The following PIK3C2B variants were observed in gnomAD, a reference collection of about 807,000 sequenced individuals.
PIK3C2B encodes phosphatidylinositol-4-phosphate 3-kinase catalytic subunit type 2 beta.
PIK3C2B carries 83 observed loss-of-function variants against 184.3 expected under a neutral mutation model. The observed-to-expected ratio is 0.45, with a 90% CI of 0.38 to 0.54. The LOEUF (loss-of-function observed/expected upper bound fraction) is 0.54. Ranked by LOEUF, PIK3C2B falls within the 20% of genes least tolerant of loss-of-function variation. The pLI is 0.00. For missense variants in PIK3C2B, 1,736 were observed against 2,113.5 expected (o/e 0.82, Z 3.50); for synonymous variants, 779 against 837.6 (o/e 0.93, Z 1.21).
intron 1 of PIK3C2B, among the ~76,000 whole-genome samples, chr1:204,470,151 A>G (rs1656184741): frequency 1.3e-5 from 2 of 151,774 alleles, no homozygotes; most frequent in Admixed American, 1.3e-4. Context: ...TTGTGCCCCA[A>G]AAAGAGAGAG....
intron 21 of PIK3C2B, among the ~76,000 whole-genome samples, chr1:204,440,673 C>T (rs1356417009): frequency 1.3e-5 from 2 of 150,068 alleles, no homozygotes; most frequent in African/African-American, 4.9e-5. Flanking sequence ...CTCAGCTCAC[C>T]GCAACCTCCG....
chr1:204,468,754 G>A lies in PIK3C2B; in HGVS notation c.933+116C>T, dbSNP rs548971468. On this transcript the variant is annotated intron_variant, in intron 2 of 32. Transcript: ENST00000684373. ...AGGGCCAGGGTCCCAAAGAGGGTAG[G>A]AGAGGCCTAAAGGGGTAAGGACTTG... is the stretch of plus-strand genomic sequence containing the variant. The A allele has an allele frequency of 1.1e-3, 985 of 923,086 alleles. 1 individual carries two copies. Among genetic ancestry groups the A allele is most frequent in the Non-Finnish European group, 1.4e-3 (880 of 620,002 alleles). The allele number at this position is 923,086 out of a possible 1,614,324, so 57.2% of individuals were successfully genotyped here.
At chr1:204,444,503 G>T in intron 16 of PIK3C2B, 79 bp from the exon 17 acceptor site, 1 of 976,298 alleles carries the variant, frequency 1.0e-6, no homozygotes. Context: ...CTCACACCTG[G>T]GCTTCAGAGG....
intron 2 of PIK3C2B, 111 bp from the exon 3 acceptor site, chr1:204,465,430 C>T (rs545715822): frequency 1.3e-5 from 9 of 691,512 alleles, no homozygotes; most frequent in Admixed American, 9.8e-5. Context: ...TCTAGTCACT[C>T]GACATCCAAT....
Position 204,423,735 on chromosome 1 carries a change from G to C in PIK3C2B, c.*1117C>G, listed in dbSNP as rs878878306. 6.5e-6 allele frequency: 1 copy of C among 152,710 alleles called. No homozygotes were observed. Among genetic ancestry groups the C allele is most frequent in the African/African-American group, 2.4e-5 (1 of 41,442 alleles). 9.5% of individuals were successfully genotyped at this position (152,710 alleles called of 1,614,324 possible). On this transcript the variant is annotated 3_prime_UTR_variant, in exon 33 of 33. Coordinates refer to ENST00000684373, the MANE Select transcript of PIK3C2B (RefSeq NM_001377334.1). ...GAAAAGTCTTATAAAAAGGGTGACA[G>C]AAATGGAGTTTGGGAGGGAAGCAGC...
At chr1:204,467,851 G>A (rs766448462) in intron 2 of PIK3C2B, among the ~76,000 whole-genome samples, 1,214 of 38,046 alleles carry the variant, frequency 0.032, 6 homozygotes, top group Middle Eastern at 0.16. Context: ...AAAAAAAAAA[G>A]AAGGCATCAG....
intron 11 of PIK3C2B, among the ~76,000 whole-genome samples, chr1:204,455,543 G>A (rs1040783646): frequency 2.0e-5 from 3 of 151,838 alleles, no homozygotes; most frequent in Middle Eastern, 3.4e-3. Context: ...TCTGGGAATC[G>A]GCCATCTGTT....
chr1:204,440,783 AT>A (rs1675615554), intron 21 of PIK3C2B, among the ~76,000 whole-genome samples: 1 of 148,932 alleles, frequency 6.7e-6, no homozygotes, highest in East Asian at 2.0e-4. Context: ...ATATATATAT[AT>A]ATATTTTTAG....
Position 204,446,107 on chromosome 1 carries a change from G to A in PIK3C2B, c.2527C>T (p.Arg843Ter). ...DADKKRLWEK[R>*]YYCHSEVSSL... Reference sequence around the variant, plus strand: ...CTCACCTCCGAGTGGCAGTAATATCGCTTCTCCCACAGGCGCTTCTTGTCA... The same window carrying A: ...CTCACCTCCGAGTGGCAGTAATATCACTTCTCCCACAGGCGCTTCTTGTCA... The change falls in exon 16 of 33, where the codon CGA (arginine) becomes TGA (stop). Residue 843 changes from arginine (R) to a stop codon, truncating the protein, a stop_gained. Transcript: ENST00000684373. LOFTEE classifies it high-confidence loss of function. 1 of 1,588,886 alleles carries A rather than the reference G, an allele frequency of 6.3e-7. No homozygotes were observed. Among genetic ancestry groups the A allele is most frequent in the South Asian group, 1.1e-5 (1 of 88,864 alleles).
intron 21 of PIK3C2B, among the ~76,000 whole-genome samples, chr1:204,441,069 C>A (rs905622581): frequency 6.6e-6 from 1 of 152,234 alleles, no homozygotes; most frequent in African/African-American, 2.4e-5. Flanking sequence ...GTGGATACAT[C>A]AGAGTTAGAA....
In PIK3C2B at chr1:204,432,407, A is replaced by G; in HGVS notation, c.3954-6T>C. ...CCAGGCTGGACTCAATCAACCTGGC[A>G]GGAGGATAAGAAAAGAGGATATAAC... On this transcript the variant is annotated splice_polypyrimidine_tract_variant and splice_region_variant and intron_variant, in intron 26 of 32. Transcript: ENST00000684373. The G allele has an allele frequency of 3.7e-6, 6 of 1,613,264 alleles. No homozygotes were observed. The South Asian group carries it at 4.4e-5, about 12-fold the overall frequency.
intron 1 of PIK3C2B, among the ~76,000 whole-genome samples, chr1:204,485,386 T>C (rs1400615481): frequency 1.3e-5 from 2 of 151,720 alleles, no homozygotes; most frequent in Non-Finnish European, 2.9e-5. Flanking sequence ...TCTACCTGAA[T>C]GATTATTCTT....
At position 204,447,300 on chromosome 1, in the gene PIK3C2B, T is replaced by C; in HGVS notation, c.2489+136A>G. The C allele has an allele frequency of 1.3e-6, 1 of 772,022 alleles. No homozygotes were observed. Among genetic ancestry groups the C allele is most frequent in the Admixed American group, 2.6e-5 (1 of 39,018 alleles). The allele number at this position is 772,022 out of a possible 1,614,324, so 47.8% of individuals were successfully genotyped here. ...TAGTGTCAGCTGATGGAGAAAGGCCTGGGGGCTGCCTCCACTTCCTGCTGA... is the reference window on the plus strand; with the variant it reads ...TAGTGTCAGCTGATGGAGAAAGGCCCGGGGGCTGCCTCCACTTCCTGCTGA... On this transcript the variant is annotated intron_variant, in intron 15 of 32. Coordinates refer to ENST00000684373, the MANE Select transcript of PIK3C2B (RefSeq NM_001377334.1). The surrounding 1 kb of genome is among the most constrained non-coding windows in gnomAD (Gnocchi z 4.1).
intron 12 of PIK3C2B, 41 bp from the exon 13 acceptor site, chr1:204,450,058 G>A: frequency 6.7e-7 from 1 of 1,483,746 alleles, no homozygotes; most frequent in Non-Finnish European, 9.0e-7. Context: ...GGCCACTCCT[G>A]TGGCTTCAAG....
Position 204,433,255 on chromosome 1 carries a change from T to C in PIK3C2B, c.3953+61A>G. On this transcript the variant is annotated intron_variant, in intron 26 of 32. Transcript: ENST00000684373. This position sits in a 1 kb window ranked among gnomAD's most constrained non-coding sequence, Gnocchi z 5.0. ...CTTTCCCCAGTCCTCCTCCTGCCAA[T>C]CCGGCAGGCTGGGAATTACTCAGGG... 2.2e-6 allele frequency: 2 copies of C among 923,058 alleles called. No homozygotes were observed. Among genetic ancestry groups the C allele is most frequent in the Non-Finnish European group, 3.5e-6 (2 of 567,408 alleles). The allele number at this position is 923,058 out of a possible 1,614,324, so 57.2% of individuals were successfully genotyped here.
chr1:204,431,713 T>G lies in PIK3C2B; in HGVS notation c.4236A>C (p.Leu1412Phe). 2 of 1,614,200 alleles carry G rather than the reference T, an allele frequency of 1.2e-6. No individual in the cohort carries two copies. The highest frequency in any genetic ancestry group is 2.2e-5 in the South Asian group (2 of 91,086). ...GGAAGAGCAGCCGCAACTTATTGTG[T>G]AATTCCTGGAACTCCTCAAAGGTCC... ...IQRTFEEFQELHNKLRLLFPS... is the reference protein window; with the variant it reads ...IQRTFEEFQEFHNKLRLLFPS... Residue 1412 changes from leucine to phenylalanine, a missense_variant, in exon 28 of 33, where the codon TTA becomes TTC. Leu to Phe is a conservative substitution (Grantham distance 22). Coordinates refer to ENST00000684373, the MANE Select transcript of PIK3C2B (RefSeq NM_001377334.1).
chr1:204,470,071 C>T (rs911950544), intron 1 of PIK3C2B, among the ~76,000 whole-genome samples, 185 bp from the exon 2 acceptor site: 2 of 152,024 alleles, frequency 1.3e-5, no homozygotes, highest in Non-Finnish European at 2.9e-5. Context: ...TTTATTATAT[C>T]CAACTATCCA....
intron 2 of PIK3C2B, chr1:204,467,073 G>C (rs1325356912): frequency 7.1e-6 from 3 of 423,364 alleles, no homozygotes; most frequent in African/African-American, 4.1e-5. Flanking sequence ...TTTTTGCTTT[G>C]TGTCCGCTTC....
At chr1:204,425,182 A>G (rs765598939) in intron 32 of PIK3C2B, 142 bp from the exon 33 acceptor site, 1 of 641,550 alleles carries the variant, frequency 1.6e-6, no homozygotes, top group Non-Finnish European at 2.8e-6. Context: ...CCCAGGTAAT[A>G]CAGAAGGCAC....
Sources: allele counts gnomAD v4.1 joint callset (sites outside exome capture counted in the v4.1 genomes callset), GRCh38; gene constraint gnomAD v4.1.1; non-coding constraint Gnocchi (gnomAD v3.1); transcripts MANE v1.5; gene names NCBI Gene and HGNC (gene_info 2026-07-23, HGNC 2026-07-21).